Variants in PTPRE observed in about 807,000 individuals in gnomAD.
The protein encoded by PTPRE is receptor-type tyrosine-protein phosphatase epsilon.
A neutral mutation model predicts 102.0 loss-of-function variants in PTPRE; 51 were observed. The ratio of observed to expected loss-of-function variants is 0.50; its 90% CI spans 0.40 to 0.63. The LOEUF is 0.63. Among genes scored for constraint, PTPRE ranks in the 30% least tolerant of loss-of-function variants. The probability of loss-of-function intolerance (pLI) is 0.00; values close to 1 mark genes in which losing one functional copy is unlikely to be tolerated. For synonymous variants in PTPRE, 345 were observed against 348.2 expected, an observed-to-expected ratio of 0.99 and a Z score of 0.10; for missense variants, 752 against 915.1, an observed-to-expected ratio of 0.82 and a Z score of 2.30.
At chr10:127,969,594 G>A (rs1850535333) in intron 1 of PTPRE, among the ~76,000 whole-genome samples, 1 of 151,478 alleles carries the variant, frequency 6.6e-6, no homozygotes, top group African/African-American at 2.4e-5. Context: ...CTTGAACTTG[G>A]GAGGCAGAGG....
At chr10:127,913,775 A>G (rs986087811) in intron 1 of PTPRE, among the ~76,000 whole-genome samples, 1 of 152,108 alleles carries the variant, frequency 6.6e-6, no homozygotes, top group Non-Finnish European at 1.5e-5. Context: ...TTTCTTCTCC[A>G]GTTTATTAAG....
At chr10:127,979,023 AAAAT>A (rs1851405389) in intron 1 of PTPRE, among the ~76,000 whole-genome samples, 1 of 152,182 alleles carries the variant, frequency 6.6e-6, no homozygotes, top group Non-Finnish European at 1.5e-5. Context: ...TCCATCTCAA[AAAAT>A]AAATAAACAA....
intron 1 of PTPRE, among the ~76,000 whole-genome samples, chr10:127,925,023 T>C (rs1437708010): frequency 6.6e-6 from 1 of 152,198 alleles, no homozygotes; most frequent in Non-Finnish European, 1.5e-5. Flanking sequence ...CAGTCTTCTG[T>C]TTTCTGAGCT....
chr10:127,931,080 C>T (rs1003083361), intron 1 of PTPRE, among the ~76,000 whole-genome samples: 9 of 152,240 alleles, frequency 5.9e-5, no homozygotes, highest in Non-Finnish European at 8.8e-5. Flanking sequence ...CATGAGCCAC[C>T]GTGCCCGGCC....
chr10:127,999,471 A>ACTCGTCCTGGGAGCAGGG (rs1280577098), intron 2 of PTPRE: 3 of 915,622 alleles, frequency 3.3e-6, no homozygotes, highest in Non-Finnish European at 3.9e-6. Context: ...TGTGAATCCA[A>ACTCGTCCTGGGAGCAGGG]CTCGTCCTGG....
rs185957795 is a variant in PTPRE, at chr10:127,962,183, G to A, written c.-30-20091G>A. On this transcript the variant is annotated intron_variant, in intron 1 of 20. Coordinates refer to ENST00000254667, the MANE Select transcript of PTPRE (RefSeq NM_006504.6). ...CCATGGTGCTGGGTGCCAGTGGGGG[G>A]TGAGGAAGAGGCTGCAGAGGTCCCT... Among the ~76,000 whole-genome samples the A allele has an allele frequency of 2.5e-3, 379 of 152,316 alleles. 3 individuals are homozygous for A. Among genetic ancestry groups the A allele is most frequent in the African/African-American group, 7.9e-3 (328 of 41,560 alleles).
rs1417520969 is a variant in PTPRE at position 127,941,079 on chromosome 10, T to C, written c.-31+33770T>C. ...AGATGTACTGTGTCCTGGAGAATGA[T>C]GTGCTAACCACATGCAGGCCGCCTG... On this transcript the variant is annotated intron_variant, in intron 1 of 20. Coordinates refer to ENST00000254667, the MANE Select transcript of PTPRE (RefSeq NM_006504.6). Among the ~76,000 whole-genome samples the C allele has an allele frequency of 5.3e-5, 8 of 152,300 alleles. No homozygotes were observed. The East Asian group carries it at 1.5e-3, about 29-fold the overall frequency.
At chr10:128,060,330 C>T (rs886074527) in intron 7 of PTPRE, among the ~76,000 whole-genome samples, 26 of 152,220 alleles carry the variant, frequency 1.7e-4, no homozygotes, top group African/African-American at 5.5e-4. Context: ...AGCCTTCTAC[C>T]CCGGAAAACT....
chr10:128,033,150 T>C (rs1007804483), intron 2 of PTPRE, among the ~76,000 whole-genome samples: 3 of 152,226 alleles, frequency 2.0e-5, no homozygotes, highest in African/African-American at 7.2e-5. Flanking sequence ...ACCCTGCACC[T>C]GAGGATGATA....
chr10:128,032,444 G>A (rs565312167), intron 2 of PTPRE, among the ~76,000 whole-genome samples: 2 of 152,346 alleles, frequency 1.3e-5, no homozygotes, highest in Admixed American at 1.3e-4. Flanking sequence ...CCTGTGTAGG[G>A]AACAGGCTCT....
chr10:128,046,470 A>T (rs1317882982), intron 3 of PTPRE, among the ~76,000 whole-genome samples: 1 of 152,208 alleles, frequency 6.6e-6, no homozygotes, highest in African/African-American at 2.4e-5. Context: ...AGTCATGCTG[A>T]GGCCTGTTCA....
At chr10:128,001,355 G>C (rs1228137220) in intron 2 of PTPRE, among the ~76,000 whole-genome samples, 1 of 152,218 alleles carries the variant, frequency 6.6e-6, no homozygotes, top group Non-Finnish European at 1.5e-5. Flanking sequence ...GCTGGAGAAA[G>C]GCTGATAGTA....
rs149764577 is a variant in PTPRE at position 128,073,061 on chromosome 10, C to T, written c.1465-276C>T. On this transcript the variant is annotated intron_variant, in intron 16 of 20. Coordinates refer to ENST00000254667, the MANE Select transcript of PTPRE (RefSeq NM_006504.6). ...ATGTTAGAATCTAAGCCACCAGGTG[C>T]TGTTCAGGTGGCCACAGGCAACTAC... is the stretch of plus-strand genomic sequence containing the variant. Among the ~76,000 whole-genome samples, 965 of 152,314 alleles carry T rather than the reference C, an allele frequency of 6.3e-3. 8 individuals are homozygous for T. Among genetic ancestry groups the T allele is most frequent in the Middle Eastern group, 0.02 (6 of 294 alleles).
chr10:128,078,299 T>C (rs1437437698), intron 19 of PTPRE, among the ~76,000 whole-genome samples: 1 of 152,212 alleles, frequency 6.6e-6, no homozygotes, highest in Admixed American at 6.5e-5. Flanking sequence ...AGGGACACCC[T>C]GGGCAGGTGG....
In PTPRE at chr10:128,077,742, G is replaced by A; in HGVS notation, c.1851G>A (p.Gln617=). Reference sequence around the variant, plus strand: ...ACCTCATCGCAGCCGTGCAGAAGCAGCAGCAGCAGACAGGCAACCACCCCA... The same window carrying A: ...ACCTCATCGCAGCCGTGCAGAAGCAACAGCAGCAGACAGGCAACCACCCCA... ...MIDLIAAVQK[Q]QQQTGNHPIT... is the part of the protein sequence containing the mutation. Residue 617 remains glutamine (Q), a synonymous_variant, in exon 19 of 21, where the codon CAG becomes CAA. Transcript: ENST00000254667. The A allele has an allele frequency of 5.0e-6, 8 of 1,608,710 alleles. No individual in the cohort carries two copies. The highest frequency in any genetic ancestry group is 6.8e-6 in the Non-Finnish European group (8 of 1,175,506).
chr10:128,031,309 C>T (rs950144600), intron 2 of PTPRE, among the ~76,000 whole-genome samples: 4 of 152,224 alleles, frequency 2.6e-5, no homozygotes, highest in African/African-American at 7.2e-5. Flanking sequence ...AGCTGGCCAG[C>T]GTCTCCTCTG....
chr10:128,020,057 CGT>C (rs10611602), intron 2 of PTPRE, among the ~76,000 whole-genome samples: 86,726 of 143,684 alleles, frequency 0.6, 25,092 homozygotes, highest in Non-Finnish European at 0.62. Flanking sequence ...CACGCGCGCA[CGT>C]GTGTGTGTGT....
intron 1 of PTPRE, among the ~76,000 whole-genome samples, chr10:127,936,841 C>T (rs568235618): frequency 6.6e-6 from 1 of 152,272 alleles, no homozygotes; most frequent in South Asian, 2.1e-4. Context: ...GTACCATCGT[C>T]CCCTGGAGGA....
intron 1 of PTPRE, among the ~76,000 whole-genome samples, chr10:127,972,071 A>G (rs1850787554): frequency 6.6e-6 from 1 of 152,202 alleles, no homozygotes; most frequent in Non-Finnish European, 1.5e-5. Flanking sequence ...GCAGGGGCAC[A>G]TCAGATGAAC....
Sources: allele counts gnomAD v4.1 joint callset (sites outside exome capture counted in the v4.1 genomes callset), GRCh38; gene constraint gnomAD v4.1.1; transcripts MANE v1.5; gene names NCBI Gene and HGNC (gene_info 2026-07-23, HGNC 2026-07-21).